The following ENTREP2 variants were observed in gnomAD, a reference collection of about 807,000 sequenced individuals.
The protein encoded by ENTREP2 is endosomal transmembrane epsin interactor 2, also known as protein ENTREP2.
At chr15:29,159,564 T>C in the ENTREP2 span, among the ~76,000 whole-genome samples, 1 of 152,180 alleles carries the variant, frequency 6.6e-6, no homozygotes, top group African/African-American at 2.4e-5. Context: ...AGCTGATTGG[T>C]CCGTTTTGAC....
chr15:29,442,390 G>A, the ENTREP2 span, among the ~76,000 whole-genome samples: 1 of 152,176 alleles, frequency 6.6e-6, no homozygotes, highest in Non-Finnish European at 1.5e-5. Flanking sequence ...ATGCTCCTTG[G>A]CTGGAAATGA....
the ENTREP2 span, chr15:29,126,375 C>G: frequency 1.9e-6 from 3 of 1,544,518 alleles, no homozygotes; most frequent in Admixed American, 4.0e-5. Flanking sequence ...GACACATGGC[C>G]AGGGGGAAGG....
At chr15:29,161,989 G>A in the ENTREP2 span, among the ~76,000 whole-genome samples, 1 of 152,118 alleles carries the variant, frequency 6.6e-6, no homozygotes, top group Non-Finnish European at 1.5e-5. Flanking sequence ...TACTGTGAGT[G>A]CCCAAACTGC....
the ENTREP2 span, chr15:29,123,228 T>G: frequency 3.4e-6 from 4 of 1,185,770 alleles, no homozygotes; most frequent in Non-Finnish European, 3.5e-6. Context: ...CCCCCCCACA[T>G]TTATCCTCCG....
chr15:29,168,854 C>T, the ENTREP2 span, among the ~76,000 whole-genome samples: 877 of 152,250 alleles, frequency 5.8e-3, 9 homozygotes, highest in African/African-American at 0.02. Flanking sequence ...ACACACTCTC[C>T]GCAAGGGTTC....
At chr15:29,269,826 T>A in the ENTREP2 span, 2 of 953,420 alleles carry the variant, frequency 2.1e-6, no homozygotes, top group Non-Finnish European at 2.9e-6. Flanking sequence ...TGAGACTGCG[T>A]GCTGCGTCAT....
chr15:29,668,937 G>A, the ENTREP2 span, among the ~76,000 whole-genome samples: 1 of 152,228 alleles, frequency 6.6e-6, no homozygotes, highest in Admixed American at 6.5e-5. Context: ...AGACCGTGGT[G>A]TGTTCTTCAA....
chr15:29,271,786 C>T, the ENTREP2 span, among the ~76,000 whole-genome samples: 5 of 152,166 alleles, frequency 3.3e-5, no homozygotes, highest in Admixed American at 2.6e-4. Flanking sequence ...AGTAGCTTGC[C>T]GATGCTCCCA....
the ENTREP2 span, among the ~76,000 whole-genome samples, chr15:29,152,331 T>C: frequency 0.023 from 3,540 of 152,278 alleles, 124 homozygotes; most frequent in African/African-American, 0.081. Context: ...GATACTGACA[T>C]TGGTATAGTC....
the ENTREP2 span, among the ~76,000 whole-genome samples, chr15:29,304,510 A>G: frequency 0.16 from 24,759 of 152,190 alleles, 3,382 homozygotes; most frequent in African/African-American, 0.38. Flanking sequence ...ATACGACTAC[A>G]TGGCAAACAA....
the ENTREP2 span, among the ~76,000 whole-genome samples, chr15:29,242,590 G>A: frequency 6.6e-6 from 1 of 152,192 alleles, no homozygotes; most frequent in Admixed American, 6.5e-5. Flanking sequence ...TTTCCTAAGG[G>A]GCTCTTCAGA....
the ENTREP2 span, among the ~76,000 whole-genome samples, chr15:29,223,447 A>T: frequency 6.6e-6 from 1 of 152,102 alleles, no homozygotes; most frequent in African/African-American, 2.4e-5. Flanking sequence ...TTCTGCTGTC[A>T]TATCTGCACC....
At chr15:29,224,868 C>G in the ENTREP2 span, among the ~76,000 whole-genome samples, 11 of 152,190 alleles carry the variant, frequency 7.2e-5, no homozygotes, top group African/African-American at 2.4e-4. Context: ...GGGAGGCTCC[C>G]GCAGCACAGG....
the ENTREP2 span, among the ~76,000 whole-genome samples, chr15:29,320,893 T>G: frequency 6.6e-6 from 1 of 152,078 alleles, no homozygotes; most frequent in Non-Finnish European, 1.5e-5. Context: ...CAAGAACAGT[T>G]GTATAATTTC....
the ENTREP2 span, among the ~76,000 whole-genome samples, chr15:29,412,568 T>C: frequency 6.6e-6 from 1 of 152,170 alleles, no homozygotes; most frequent in African/African-American, 2.4e-5. Context: ...ACTTAAGTTC[T>C]GTTACGTTTT....
the ENTREP2 span, among the ~76,000 whole-genome samples, chr15:29,215,601 A>G: frequency 1.4e-5 from 2 of 146,836 alleles, no homozygotes; most frequent in Non-Finnish European, 3.0e-5. Flanking sequence ...TATATATTCC[A>G]TTAGTTCTGT....
At chr15:29,373,815 TCA>T in the ENTREP2 span, 10 of 152,056 alleles carry the variant, frequency 6.6e-5, no homozygotes, top group African/African-American at 2.2e-4. Flanking sequence ...GTTAATACAG[TCA>T]CACAACAAAA....
chr15:29,242,242 A>G, the ENTREP2 span, among the ~76,000 whole-genome samples: 2 of 151,738 alleles, frequency 1.3e-5, no homozygotes, highest in African/African-American at 4.8e-5. Context: ...TAATTTTTGT[A>G]TTTTTTGGTA....
chr15:29,459,393 C>G, the ENTREP2 span, among the ~76,000 whole-genome samples: 3 of 152,108 alleles, frequency 2.0e-5, no homozygotes, highest in Non-Finnish European at 4.4e-5. Context: ...CCATCATCTG[C>G]CCTGAGGACA....
Sources: allele counts gnomAD v4.1 joint callset (sites outside exome capture counted in the v4.1 genomes callset), GRCh38; gene constraint gnomAD v4.1.1; transcripts MANE v1.5; gene names NCBI Gene and HGNC (gene_info 2026-07-23, HGNC 2026-07-21).